Variants in SCML2 observed in about 807,000 individuals in gnomAD.
The protein encoded by SCML2 is Scm polycomb group protein like 2, also known as sex comb on midleg-like protein 2.
SCML2 carries 6 observed loss-of-function variants against 48.4 expected under a neutral mutation model. That is an observed-to-expected ratio of 0.12 (90% CI 0.07 to 0.24). The LOEUF (loss-of-function observed/expected upper bound fraction) is 0.24. SCML2 is among the 10% of genes least tolerant of loss of function. The pLI is 1.00. For missense variants in SCML2, 377 were observed against 528.2 expected, an observed-to-expected ratio of 0.71 and a Z score of 2.81; for synonymous variants, 181 against 189.5, an observed-to-expected ratio of 0.95 and a Z score of 0.37.
chrX:18,326,752 C>A (rs1246984658), intron 3 of SCML2, among the ~76,000 whole-genome samples: 2 of 109,343 alleles, frequency 1.8e-5, no homozygotes, highest in Non-Finnish European at 3.8e-5. Context: ...CTACCTCTTA[C>A]TAGCTATGTG....
At chrX:18,267,037 T>C (rs755883882) in intron 7 of SCML2, among the ~76,000 whole-genome samples, 2 of 112,329 alleles carry the variant, frequency 1.8e-5, no homozygotes, top group East Asian at 5.6e-4. Flanking sequence ...TCTGCATACA[T>C]AGTCTTCCTG....
chrX:18,334,353 C>T (rs1328173458), intron 1 of SCML2, among the ~76,000 whole-genome samples: 2 of 111,622 alleles, frequency 1.8e-5, no homozygotes, highest in East Asian at 5.6e-4. Context: ...TGGTTATACG[C>T]CTTGTTGTGA....
chrX:18,241,859 C>T (rs906547527), intron 14 of SCML2, among the ~76,000 whole-genome samples: 9 of 111,613 alleles, frequency 8.1e-5, no homozygotes, highest in Non-Finnish European at 1.5e-4. Flanking sequence ...GATTTTCTTG[C>T]GATAGTGAAA....
At chrX:18,255,284 T>A (rs750082889) in intron 11 of SCML2, among the ~76,000 whole-genome samples, 1 of 112,265 alleles carries the variant, frequency 8.9e-6, no homozygotes, top group South Asian at 3.7e-4. Context: ...ACTTTGCAGA[T>A]AAGGAAACTG....
chrX:18,284,852 C>T (rs781224549), intron 7 of SCML2, among the ~76,000 whole-genome samples: 169 of 111,591 alleles, frequency 1.5e-3, no homozygotes, highest in African/African-American at 5.2e-3. Context: ...ACCAGCCTGA[C>T]CAACATGGAA....
chrX:18,293,465 T>C (rs1242645225), intron 7 of SCML2, among the ~76,000 whole-genome samples: 1 of 112,049 alleles, frequency 8.9e-6, no homozygotes, highest in Admixed American at 9.5e-5. Flanking sequence ...AAACAGATTG[T>C]GGCAGCAGTG....
chrX:18,342,005 G>A (rs1286959114), intron 1 of SCML2, among the ~76,000 whole-genome samples: 1 of 111,761 alleles, frequency 8.9e-6, no homozygotes. Flanking sequence ...AAAATATGGT[G>A]GCAATAGATG....
chrX:18,294,303 G>A (rs1353613889), intron 7 of SCML2, among the ~76,000 whole-genome samples: 1 of 111,153 alleles, frequency 9.0e-6, no homozygotes, highest in East Asian at 2.8e-4. Context: ...AACACCCGAG[G>A]CATGAAAAGA....
At chrX:18,318,741 T>C (rs1489351609) in intron 6 of SCML2, among the ~76,000 whole-genome samples, 1 of 111,881 alleles carries the variant, frequency 8.9e-6, no homozygotes, top group Non-Finnish European at 1.9e-5. Context: ...GCAATGAATA[T>C]TTGCTTCCAG....
intron 7 of SCML2, among the ~76,000 whole-genome samples, chrX:18,296,707 T>C (rs982046538): frequency 1.7e-4 from 19 of 110,930 alleles, no homozygotes; most frequent in African/African-American, 3.3e-5. Flanking sequence ...AAGGAAGAAA[T>C]AGAAAACCTT....
chrX:18,321,968 G>A (rs752943300), intron 5 of SCML2, among the ~76,000 whole-genome samples: 8 of 111,433 alleles, frequency 7.2e-5, no homozygotes, highest in Non-Finnish European at 1.5e-4. Context: ...CAGGTCTTCT[G>A]GGGGGCTGAT....
intron 13 of SCML2, 49 bp from the exon 14 acceptor site, chrX:18,242,639 C>T: frequency 8.8e-7 from 1 of 1,141,494 alleles, no homozygotes; most frequent in Non-Finnish European, 1.2e-6. Flanking sequence ...TGATCATTAT[C>T]CTGAAAGAAG....
intron 6 of SCML2, among the ~76,000 whole-genome samples, chrX:18,316,956 T>C (rs1435613550): frequency 8.9e-6 from 1 of 112,185 alleles, no homozygotes; most frequent in African/African-American, 3.2e-5. Flanking sequence ...CATGGGAAAA[T>C]TGTCTTCCAC....
At chrX:18,273,148 G>A (rs1305429289) in intron 7 of SCML2, among the ~76,000 whole-genome samples, 2 of 110,911 alleles carry the variant, frequency 1.8e-5, no homozygotes, top group Admixed American at 9.6e-5. Flanking sequence ...TCCTACTTCC[G>A]TCACTTTTCC....
intron 7 of SCML2, among the ~76,000 whole-genome samples, chrX:18,302,424 T>C (rs927495638): frequency 1.8e-5 from 2 of 111,486 alleles, no homozygotes; most frequent in Non-Finnish European, 3.8e-5. Flanking sequence ...ATTTTTGTGC[T>C]TCTCAAAGTT....
chrX:18,265,063 T>C (rs1188474293), intron 8 of SCML2, among the ~76,000 whole-genome samples: 1 of 112,200 alleles, frequency 8.9e-6, no homozygotes, highest in Non-Finnish European at 1.9e-5. Flanking sequence ...ACCACAACAA[T>C]GGAAACTCAC....
At chrX:18,351,628 G>C (rs1462018984) in intron 1 of SCML2, among the ~76,000 whole-genome samples, 2 of 103,432 alleles carry the variant, frequency 1.9e-5, no homozygotes, top group African/African-American at 7.2e-5. Flanking sequence ...CCATTCACAA[G>C]TGGAATGAGA....
chrX:18,332,435 G>C (rs769058959), intron 2 of SCML2, among the ~76,000 whole-genome samples: 3 of 112,169 alleles, frequency 2.7e-5, no homozygotes, highest in Non-Finnish European at 5.6e-5. Context: ...GCCATTCAAC[G>C]TAACAGATCT....
chrX:18,289,374 A>G (rs1420171029), intron 7 of SCML2, among the ~76,000 whole-genome samples: 1 of 112,627 alleles, frequency 8.9e-6, no homozygotes, highest in Non-Finnish European at 1.9e-5. Flanking sequence ...GTTCATATGA[A>G]AAAGAAAATA....
Sources: allele counts gnomAD v4.1 joint callset (sites outside exome capture counted in the v4.1 genomes callset), GRCh38; gene constraint gnomAD v4.1.1; transcripts MANE v1.5; gene names NCBI Gene and HGNC (gene_info 2026-07-23, HGNC 2026-07-21).